EFCAB11: variants seen among roughly 807,000 people sequenced by gnomAD.
EFCAB11 encodes EF-hand calcium-binding domain-containing protein 11.
A neutral mutation model predicts 23.0 loss-of-function variants in EFCAB11; 14 were observed. That is an observed-to-expected ratio of 0.61 (90% confidence interval 0.40 to 0.95). EFCAB11 has a LOEUF of 0.95. Ranked by LOEUF, EFCAB11 falls within the 40% of genes least tolerant of loss-of-function variation. The pLI is 0.00. For missense variants in EFCAB11, 198 were observed against 195.8 expected (o/e 1.01, Z -0.07); for synonymous variants, 65 against 66.6 (o/e 0.98, Z 0.11).
intron 5 of EFCAB11, among the ~76,000 whole-genome samples, chr14:89,820,153 A>G (rs1196470168): frequency 2.6e-5 from 4 of 152,216 alleles, no homozygotes; most frequent in African/African-American, 9.6e-5. Context: ...GGAAGAGGCT[A>G]TAGAAAAACC....
At chr14:89,886,629 C>A (rs768426571) in intron 5 of EFCAB11, among the ~76,000 whole-genome samples, 1 of 150,080 alleles carries the variant, frequency 6.7e-6, no homozygotes, top group Non-Finnish European at 1.5e-5. Flanking sequence ...AACACTGAGG[C>A]AAATATGACA....
At chr14:89,924,258 G>C (rs986548238) in intron 5 of EFCAB11, 1 of 996,794 alleles carries the variant, frequency 1.0e-6, no homozygotes, top group Non-Finnish European at 1.2e-6. Context: ...TATGAAGAAA[G>C]GGATTCTTAC....
intron 5 of EFCAB11, among the ~76,000 whole-genome samples, chr14:89,902,743 T>G (rs1889380377): frequency 6.6e-6 from 1 of 152,148 alleles, no homozygotes; most frequent in Non-Finnish European, 1.5e-5. Flanking sequence ...GTTATTTAAT[T>G]TACGTATTTT....
intron 5 of EFCAB11, among the ~76,000 whole-genome samples, chr14:89,811,543 G>A (rs1247794614): frequency 6.6e-6 from 1 of 152,116 alleles, no homozygotes; most frequent in East Asian, 1.9e-4. Flanking sequence ...TCAAGGTGGG[G>A]CCAATGTAAT....
chr14:89,944,010 G>A (rs569893998), intron 3 of EFCAB11, among the ~76,000 whole-genome samples: 1 of 152,260 alleles, frequency 6.6e-6, no homozygotes, highest in African/African-American at 2.4e-5. Flanking sequence ...ACATACAGAA[G>A]AAAGAAAGTC....
chr14:89,806,947 G>A lies in EFCAB11; in HGVS notation c.411-9623C>T, dbSNP rs139433836. ...AAAAGTAGTTTGAACCTTTGACCCC[G>A]TGGACATTTATAAGGAAACATAAGC... On this transcript the variant is annotated intron_variant, in intron 5 of 5. Transcript: ENST00000316738. Among the ~76,000 whole-genome samples the A allele has an allele frequency of 8.0e-3, 1,216 of 152,192 alleles. 17 individuals are homozygous for A. The highest frequency in any genetic ancestry group is 0.027 in the African/African-American group (1,131 of 41,490).
chr14:89,799,907 T>C (rs1394498232), intron 5 of EFCAB11, among the ~76,000 whole-genome samples: 1 of 152,102 alleles, frequency 6.6e-6, no homozygotes, highest in Non-Finnish European at 1.5e-5. Flanking sequence ...CGCTTGTGGC[T>C]GGGCGTGGTG....
chr14:89,949,443 C>T lies in EFCAB11; in HGVS notation c.217+654G>A, dbSNP rs191939413. 2.2e-3 allele frequency among the ~76,000 whole-genome samples: 337 copies of T among 152,294 alleles called. 3 individuals carry two copies. Among genetic ancestry groups the T allele is most frequent in the African/African-American group, 7.8e-3 (322 of 41,546 alleles). On this transcript the variant is annotated intron_variant, in intron 3 of 5. Transcript: ENST00000316738. Reference sequence around the variant, plus strand: ...GCAATGGCTCAATCTCAGCTCATTGCAATCTCTACCTCCTCAGTTCAAGCA... The same window carrying T: ...GCAATGGCTCAATCTCAGCTCATTGTAATCTCTACCTCCTCAGTTCAAGCA...
At chr14:89,822,778 T>C (rs1384833122) in intron 5 of EFCAB11, among the ~76,000 whole-genome samples, 1 of 152,128 alleles carries the variant, frequency 6.6e-6, no homozygotes, top group Admixed American at 6.5e-5. Context: ...ACCTACATTA[T>C]TCAATAGACA....
At chr14:89,914,543 G>A (rs1389630776) in intron 5 of EFCAB11, among the ~76,000 whole-genome samples, 1 of 152,224 alleles carries the variant, frequency 6.6e-6, no homozygotes, top group Non-Finnish European at 1.5e-5. Context: ...CCAGCACTTT[G>A]GGAGGATGAA....
intron 2 of EFCAB11, chr14:89,952,460 T>C (rs1047679903): frequency 1.8e-5 from 18 of 985,258 alleles, no homozygotes; most frequent in South Asian, 4.7e-5. Context: ...GCTTTGTAAT[T>C]CCAACTGAAA....
chr14:89,891,873 G>A (rs1357585351), intron 5 of EFCAB11, among the ~76,000 whole-genome samples: 1 of 152,010 alleles, frequency 6.6e-6, no homozygotes. Context: ...TCGCTGCTGC[G>A]GAGCTACGTG....
At chr14:89,863,526 G>A (rs1887994460) in intron 5 of EFCAB11, among the ~76,000 whole-genome samples, 1 of 152,132 alleles carries the variant, frequency 6.6e-6, no homozygotes, top group Admixed American at 6.5e-5. Flanking sequence ...CTCATTGTTG[G>A]TTTGCCTGCT....
At chr14:89,859,660 C>T (rs1186425370) in intron 5 of EFCAB11, among the ~76,000 whole-genome samples, 1 of 152,084 alleles carries the variant, frequency 6.6e-6, no homozygotes, top group Non-Finnish European at 1.5e-5. Context: ...ACCAGAGGTG[C>T]TAGGTGCCAG....
chr14:89,890,300 T>C (rs1329090572), intron 5 of EFCAB11, among the ~76,000 whole-genome samples: 1 of 152,210 alleles, frequency 6.6e-6, no homozygotes, highest in Non-Finnish European at 1.5e-5. Flanking sequence ...AGCTTACAAC[T>C]TCTAAATGAT....
At chr14:89,942,989 C>T (rs1347990856) in intron 3 of EFCAB11, among the ~76,000 whole-genome samples, 1 of 152,126 alleles carries the variant, frequency 6.6e-6, no homozygotes, top group South Asian at 2.1e-4. Context: ...GTCTAGCTTC[C>T]GGACTCTGGC....
intron 5 of EFCAB11, among the ~76,000 whole-genome samples, chr14:89,801,059 A>AAAAAAAAAAAG (rs1555369622): frequency 7.2e-6 from 1 of 138,782 alleles, no homozygotes; most frequent in South Asian, 2.2e-4. Flanking sequence ...AAAAAAAAAA[A>AAAAAAAAAAAG]AGAAGTACTG....
chr14:89,901,527 G>T (rs559876872), intron 5 of EFCAB11, among the ~76,000 whole-genome samples: 10 of 152,274 alleles, frequency 6.6e-5, no homozygotes, highest in Admixed American at 3.9e-4. Flanking sequence ...CTGTTGAACT[G>T]AATTTAACTG....
intron 5 of EFCAB11, among the ~76,000 whole-genome samples, chr14:89,855,118 A>G (rs559925457): frequency 2.6e-5 from 4 of 152,282 alleles, no homozygotes; most frequent in Admixed American, 6.5e-5. Flanking sequence ...TTACAGAATG[A>G]AGAACATCAG....
Sources: allele counts gnomAD v4.1 joint callset (sites outside exome capture counted in the v4.1 genomes callset), GRCh38; gene constraint gnomAD v4.1.1; transcripts MANE v1.5; gene names NCBI Gene and HGNC (gene_info 2026-07-23, HGNC 2026-07-21).